The following COL4A2 variants were observed in gnomAD, a reference collection of about 807,000 sequenced individuals.
COL4A2 encodes the protein collagen alpha-2(IV) chain.
In COL4A2, 99 loss-of-function variants were observed where a neutral mutation model predicts 200.2. That is an observed-to-expected ratio of 0.49 (90% CI 0.42 to 0.58). The LOEUF (loss-of-function observed/expected upper bound fraction) is 0.58, where lower values mean the gene tolerates loss of function less well. Ranked by LOEUF, COL4A2 falls within the 20% of genes least tolerant of loss-of-function variation. The pLI is 0.00. For missense variants in COL4A2, 1,950 were observed against 2,314.1 expected (o/e 0.84, Z 3.23); for synonymous variants, 897 against 900.6 (o/e 1.00, Z 0.07).
chr13:110,499,367 G>A (rs1371844024), intron 40 of COL4A2, among the ~76,000 whole-genome samples: 1 of 152,212 alleles, frequency 6.6e-6, no homozygotes, highest in Admixed American at 6.5e-5. Flanking sequence ...GGAGAGAGAA[G>A]TGCTGAGTAA....
chr13:110,512,083 C>T lies in COL4A2; in HGVS notation c.5031C>T (p.Thr1677=). ...YYANKYSFWL[T]TIPEQSFQGS... ...CCAACAAGTACAGCTTCTGGCTGACCACCATTCCCGAGCAGAGCTTCCAGG... is the reference window on the plus strand; with the variant it reads ...CCAACAAGTACAGCTTCTGGCTGACTACCATTCCCGAGCAGAGCTTCCAGG... Residue 1677 remains threonine, a synonymous_variant, in exon 48 of 48, where the codon ACC becomes ACT. Coordinates refer to ENST00000360467, the MANE Select transcript of COL4A2 (RefSeq NM_001846.4). 6.2e-7 allele frequency: 1 copy of T among 1,613,816 alleles called. No individual in the cohort carries two copies. The highest frequency in any genetic ancestry group is 8.5e-7 in the Non-Finnish European group (1 of 1,180,046).
chr13:110,417,347 T>G (rs1406941252), intron 4 of COL4A2, among the ~76,000 whole-genome samples: 1 of 151,688 alleles, frequency 6.6e-6, no homozygotes, highest in Non-Finnish European at 1.5e-5. Flanking sequence ...CGAACTGTTC[T>G]CTATCACATA....
In COL4A2 at chr13:110,436,262, T is replaced by C. The variant is rs1306288033; in HGVS notation, c.727-7T>C. 3 of 1,613,842 alleles carry C rather than the reference T, an allele frequency of 1.9e-6. No individual in the cohort carries two copies. The highest frequency in any genetic ancestry group is 1.7e-5 in the Admixed American group (1 of 59,982). ...AAAGACAACTGCTTTTGCTTAACAA[T>C]ATGCAGGGTGACGTAGGGCAGCCGG... On this transcript the variant is annotated splice_polypyrimidine_tract_variant and splice_region_variant and intron_variant, in intron 12 of 47. Coordinates refer to ENST00000360467, the MANE Select transcript of COL4A2 (RefSeq NM_001846.4).
Position 110,450,431 on chromosome 13 carries a change from T to G in COL4A2, c.1316T>G (p.Leu439Arg), listed in dbSNP as rs1566540083. Reference sequence around the variant, plus strand: ...CGAGGGCCTCCAGGACCCCCCGGGCTCCCTGGACCACCTGGACCTGATGGT... The same window carrying G: ...CGAGGGCCTCCAGGACCCCCCGGGCGCCCTGGACCACCTGGACCTGATGGT... ...GKRGPPGPPG[L>R]PGPPGPDGFL... The change falls in exon 20 of 48, where the codon CTC becomes CGC. Residue 439 changes from leucine (L) to arginine (R), a missense_variant. This residue lies in a region of COL4A2 where 565 missense variants were observed against 593.5 expected (regional missense o/e 0.95). Transcript: ENST00000360467. 6.2e-7 allele frequency: 1 copy of G among 1,613,780 alleles called. No individual in the cohort carries two copies.
chr13:110,473,602 T>A (rs1281454983), intron 29 of COL4A2: 1 of 156,418 alleles, frequency 6.4e-6, no homozygotes, highest in Non-Finnish European at 1.4e-5. Flanking sequence ...GTCTTAATGT[T>A]GTTTACAGTG....
At chr13:110,325,847 G>A (rs1394395232) in intron 3 of COL4A2, among the ~76,000 whole-genome samples, 1 of 151,548 alleles carries the variant, frequency 6.6e-6, no homozygotes, top group East Asian at 1.9e-4. Flanking sequence ...GCAGTGTTGA[G>A]ATCTCAGCTC....
chr13:110,397,271 A>C (rs1464239696), intron 4 of COL4A2, among the ~76,000 whole-genome samples: 2 of 152,230 alleles, frequency 1.3e-5, no homozygotes, highest in Non-Finnish European at 2.9e-5. Context: ...TGCCAAATAC[A>C]AGTCTAACAG....
At position 110,376,099 on chromosome 13, in the gene COL4A2, A is replaced by G. The variant is rs1400508264; in HGVS notation, c.180+18547A>G. Among the ~76,000 whole-genome samples the G allele has an allele frequency of 3.9e-5, 6 of 152,198 alleles. No individual in the cohort carries two copies. In the South Asian group the frequency reaches 6.2e-4, roughly 16 times the overall value. ...TTTGCTAAGGAAAGAACTATCTGAC[A>G]TTCACTGGCTTAGGGATATTTGGGG... On this transcript the variant is annotated intron_variant, in intron 4 of 47. Transcript: ENST00000360467.
Position 110,495,328 on chromosome 13 carries a change from T to C in COL4A2, c.3635-14T>C. 2 of 1,614,112 alleles carry C rather than the reference T, an allele frequency of 1.2e-6. No homozygotes were observed. Among genetic ancestry groups the C allele is most frequent in the South Asian group, 2.2e-5 (2 of 91,076 alleles). On this transcript the variant is annotated splice_polypyrimidine_tract_variant and intron_variant, in intron 39 of 47. Transcript: ENST00000360467. ...GAAACACCGACATCAGCTGCTGTTA[T>C]AACTCTTCCACAGGTTCTGACATCC...
intron 16 of COL4A2, among the ~76,000 whole-genome samples, chr13:110,444,614 T>G (rs1248470526): frequency 6.6e-6 from 1 of 152,216 alleles, no homozygotes; most frequent in Admixed American, 6.5e-5. Flanking sequence ...GCACACCTGC[T>G]CCTGGGTGTC....
rs115222070 is a variant in COL4A2, at chr13:110,314,896, G to A, written c.99+6773G>A. Among the ~76,000 whole-genome samples, 1,390 of 152,318 alleles carry A rather than the reference G, an allele frequency of 9.1e-3. 23 individuals carry two copies. The highest frequency in any genetic ancestry group is 0.032 in the African/African-American group (1,325 of 41,566). On this transcript the variant is annotated intron_variant, in intron 3 of 47. Coordinates refer to ENST00000360467, the MANE Select transcript of COL4A2 (RefSeq NM_001846.4). ...TGGAGGACTTAGGCCTCCTGCACAC[G>A]TGGGTCACCTGATAGAAAGGGACAG...
rs1266167363 is a variant in COL4A2, at chr13:110,378,479, C to G, written c.180+20927C>G. 5.3e-5 allele frequency among the ~76,000 whole-genome samples: 8 copies of G among 152,220 alleles called. No individual in the cohort carries two copies. In the East Asian group the frequency reaches 1.5e-3, roughly 29 times the overall value. Reference sequence around the variant, plus strand: ...CTCATGAGACAGAACCAGGCCCTTTCCTCCGGGTCCCTCGCCTCAGGAGAT... The same window carrying G: ...CTCATGAGACAGAACCAGGCCCTTTGCTCCGGGTCCCTCGCCTCAGGAGAT... On this transcript the variant is annotated intron_variant, in intron 4 of 47. Coordinates refer to ENST00000360467, the MANE Select transcript of COL4A2 (RefSeq NM_001846.4).
Position 110,393,760 on chromosome 13 carries a change from T to A in COL4A2, c.181-30974T>A, listed in dbSNP as rs1332538263. On this transcript the variant is annotated intron_variant, in intron 4 of 47. Coordinates refer to ENST00000360467, the MANE Select transcript of COL4A2 (RefSeq NM_001846.4). ...CGGGCGTGGTGGCACACACCTATAATCCCGGCTACTCAGGAGGCGGAAGCA... is the reference window on the plus strand; with the variant it reads ...CGGGCGTGGTGGCACACACCTATAAACCCGGCTACTCAGGAGGCGGAAGCA... Among the ~76,000 whole-genome samples, 4 of 151,974 alleles carry A rather than the reference T, an allele frequency of 2.6e-5. No individual in the cohort carries two copies. The East Asian group carries it at 5.8e-4, about 22-fold the overall frequency.
intron 4 of COL4A2, among the ~76,000 whole-genome samples, chr13:110,380,487 GTGC>G (rs1207416494): frequency 6.6e-6 from 1 of 152,112 alleles, no homozygotes; most frequent in Non-Finnish European, 1.5e-5. Flanking sequence ...ATTTGTATAC[GTGC>G]TGACTCATCG....
At chr13:110,410,194 G>A (rs1012998657) in intron 4 of COL4A2, among the ~76,000 whole-genome samples, 9 of 152,210 alleles carry the variant, frequency 5.9e-5, no homozygotes, top group Non-Finnish European at 7.3e-5. Flanking sequence ...TGAGACATCC[G>A]TGAGCAAGAA....
intron 4 of COL4A2, among the ~76,000 whole-genome samples, chr13:110,396,823 A>G (rs1879198446): frequency 6.6e-6 from 1 of 152,236 alleles, no homozygotes; most frequent in African/African-American, 2.4e-5. Context: ...TTTCTTTCTT[A>G]CAAACAGCAA....
chr13:110,482,107 G>A lies in COL4A2; in HGVS notation c.2759-409G>A, dbSNP rs532695130. 2.6e-5 allele frequency among the ~76,000 whole-genome samples: 4 copies of A among 152,372 alleles called. No homozygotes were observed. The South Asian group carries it at 8.3e-4, about 32-fold the overall frequency. Reference sequence around the variant, plus strand: ...CTTGACCTCTCCTTCCGGTGCTGGCGACATTGGTCTGACTTTCTGCGGTCC... The same window carrying A: ...CTTGACCTCTCCTTCCGGTGCTGGCAACATTGGTCTGACTTTCTGCGGTCC... On this transcript the variant is annotated intron_variant, in intron 31 of 47. Transcript: ENST00000360467.
intron 4 of COL4A2, among the ~76,000 whole-genome samples, chr13:110,413,152 A>G (rs896238948): frequency 1.3e-5 from 2 of 152,206 alleles, no homozygotes; most frequent in African/African-American, 2.4e-5. Context: ...TTGGGAAGTC[A>G]TTATAATGGT....
At chr13:110,368,281 T>C (rs1248841139) in intron 4 of COL4A2, among the ~76,000 whole-genome samples, 2 of 152,106 alleles carry the variant, frequency 1.3e-5, no homozygotes, top group African/African-American at 4.8e-5. Context: ...AGAGTAAAAT[T>C]CACAAAGGCC....
Sources: allele counts gnomAD v4.1 joint callset (sites outside exome capture counted in the v4.1 genomes callset), GRCh38; gene constraint gnomAD v4.1.1; regional missense constraint gnomAD v4.1.1; transcripts MANE v1.5; gene names NCBI Gene and HGNC (gene_info 2026-07-23, HGNC 2026-07-21).